Variants in CDH18 observed in about 807,000 individuals in gnomAD.
The protein encoded by CDH18 is cadherin-18.
In CDH18, 31 loss-of-function variants were observed where a neutral mutation model predicts 67.9. The observed-to-expected ratio is 0.46, with a 90% CI of 0.34 to 0.62. The LOEUF (loss-of-function observed/expected upper bound fraction) is 0.62. CDH18 is among the 20% of genes least tolerant of loss of function. CDH18 has a pLI of 0.01. For synonymous variants in CDH18, 362 were observed against 347.2 expected (o/e 1.04, Z -0.48); for missense variants, 890 against 975.5 (o/e 0.91, Z 1.17).
chr5:19,531,252 T>C (rs1007683987), intron 9 of CDH18, among the ~76,000 whole-genome samples: 4 of 152,050 alleles, frequency 2.6e-5, no homozygotes, highest in African/African-American at 9.7e-5. Context: ...TATATTAAAA[T>C]CTCAAATTCA....
intron 1 of CDH18, among the ~76,000 whole-genome samples, chr5:20,294,212 C>T (rs1445957939): frequency 1.3e-5 from 2 of 152,114 alleles, no homozygotes; most frequent in Non-Finnish European, 2.9e-5. Flanking sequence ...CTTAATTACC[C>T]AAAGTAGTTA....
intron 1 of CDH18, among the ~76,000 whole-genome samples, chr5:20,369,401 A>G (rs1480601508): frequency 6.6e-6 from 1 of 152,228 alleles, no homozygotes; most frequent in East Asian, 1.9e-4. Flanking sequence ...GATCTCAATT[A>G]AAAGGAAAAG....
intron 1 of CDH18, among the ~76,000 whole-genome samples, chr5:20,502,799 C>T (rs1001796397): frequency 6.6e-6 from 1 of 152,072 alleles, no homozygotes; most frequent in Admixed American, 6.6e-5. Context: ...AAGAACCAGT[C>T]AGGGTTACTA....
intron 1 of CDH18, among the ~76,000 whole-genome samples, chr5:20,326,421 A>G (rs988293673): frequency 6.6e-6 from 1 of 152,192 alleles, no homozygotes; most frequent in African/African-American, 2.4e-5. Flanking sequence ...ACAAACTTAA[A>G]TTCAGCTGCA....
In CDH18 at chr5:20,370,317, A is replaced by G. The variant is rs74442237; in HGVS notation, c.-579-114812T>C. ...ATATGACTAATTGATTTGTCATATGATATCATATGACTAATTGATTTATGT... is the reference window on the plus strand; with the variant it reads ...ATATGACTAATTGATTTGTCATATGGTATCATATGACTAATTGATTTATGT... On this transcript the variant is annotated intron_variant, in intron 1 of 14. Coordinates refer to the CDH18 transcript ENST00000507958. Among the ~76,000 whole-genome samples the G allele has an allele frequency of 5.7e-3, 869 of 152,214 alleles. 6 individuals are homozygous for G. Among genetic ancestry groups the G allele is most frequent in the South Asian group, 0.026 (125 of 4,820 alleles).
chr5:19,888,012 A>G (rs1376722156), intron 2 of CDH18, among the ~76,000 whole-genome samples: 6 of 152,152 alleles, frequency 3.9e-5, no homozygotes, highest in Non-Finnish European at 1.5e-5. Context: ...ATCACAAATT[A>G]TATGGCAGTA....
chr5:19,607,177 GA>G (rs1322454665), intron 6 of CDH18, among the ~76,000 whole-genome samples: 1 of 151,452 alleles, frequency 6.6e-6, no homozygotes, highest in Non-Finnish European at 1.5e-5. Context: ...AATATTTTAA[GA>G]AATTTACAAT....
At chr5:20,246,244 A>G (rs2126573153) in intron 2 of CDH18, among the ~76,000 whole-genome samples, 1 of 152,348 alleles carries the variant, frequency 6.6e-6, no homozygotes, top group East Asian at 1.9e-4. Flanking sequence ...AAACCACCTT[A>G]TAAAAATCCT....
At chr5:20,379,397 C>G (rs1327544246) in intron 1 of CDH18, among the ~76,000 whole-genome samples, 1 of 152,136 alleles carries the variant, frequency 6.6e-6, no homozygotes, top group Non-Finnish European at 1.5e-5. Flanking sequence ...TCAGTTTCTC[C>G]TGAGCAGGTA....
intron 1 of CDH18, among the ~76,000 whole-genome samples, chr5:20,568,265 C>T (rs988592712): frequency 7.2e-5 from 11 of 152,168 alleles, no homozygotes; most frequent in Admixed American, 1.3e-4. Flanking sequence ...ATGACCTACT[C>T]TCTTTTTCCC....
At chr5:19,936,698 G>T (rs1212197151) in intron 2 of CDH18, among the ~76,000 whole-genome samples, 3 of 150,898 alleles carry the variant, frequency 2.0e-5, no homozygotes, top group African/African-American at 7.3e-5. Flanking sequence ...TTGAGATTCT[G>T]AATATATTTC....
intron 8 of CDH18, among the ~76,000 whole-genome samples, chr5:19,566,045 A>T (rs1246670830): frequency 6.6e-6 from 1 of 152,200 alleles, no homozygotes; most frequent in Non-Finnish European, 1.5e-5. Context: ...TAATAATCTG[A>T]ATAAAAAATG....
intron 3 of CDH18, among the ~76,000 whole-genome samples, chr5:19,769,695 A>G (rs1371394191): frequency 6.6e-6 from 1 of 152,132 alleles, no homozygotes; most frequent in Non-Finnish European, 1.5e-5. Flanking sequence ...AGAATAAGCA[A>G]TGTTTTGTAA....
intron 2 of CDH18, among the ~76,000 whole-genome samples, chr5:20,214,303 C>A (rs1740587435): frequency 1.3e-5 from 2 of 152,126 alleles, no homozygotes; most frequent in South Asian, 4.1e-4. Flanking sequence ...TGGTTTCTAT[C>A]AAGCTACCAA....
At chr5:20,382,966 C>T (rs1744033493) in intron 1 of CDH18, among the ~76,000 whole-genome samples, 1 of 152,046 alleles carries the variant, frequency 6.6e-6, no homozygotes, top group Non-Finnish European at 1.5e-5. Context: ...CAAATAGGAA[C>T]ATCTCTATTA....
intron 2 of CDH18, among the ~76,000 whole-genome samples, chr5:20,057,538 G>T (rs1742102614): frequency 6.6e-6 from 1 of 152,054 alleles, no homozygotes; most frequent in South Asian, 2.1e-4. Flanking sequence ...ATGCACTGGG[G>T]TTACAAAACC....
At chr5:20,343,778 A>G (rs966456080) in intron 1 of CDH18, among the ~76,000 whole-genome samples, 1 of 152,200 alleles carries the variant, frequency 6.6e-6, no homozygotes, top group Admixed American at 6.5e-5. Context: ...ACTACTGGAA[A>G]GAGAGACACT....
At chr5:20,336,295 C>T (rs1408880979) in intron 1 of CDH18, among the ~76,000 whole-genome samples, 1 of 151,984 alleles carries the variant, frequency 6.6e-6, no homozygotes, top group African/African-American at 2.4e-5. Context: ...AGAGAGGACA[C>T]AGTTAGGGGC....
intron 1 of CDH18, among the ~76,000 whole-genome samples, chr5:20,452,852 G>A (rs1237894956): frequency 6.6e-6 from 1 of 152,090 alleles, no homozygotes; most frequent in Middle Eastern, 3.2e-3. Flanking sequence ...TATAGACAAT[G>A]TATATGTAAA....
Sources: allele counts gnomAD v4.1 joint callset (sites outside exome capture counted in the v4.1 genomes callset), GRCh38; gene constraint gnomAD v4.1.1; transcripts MANE v1.5; gene names NCBI Gene and HGNC (gene_info 2026-07-23, HGNC 2026-07-21).